The following TRABD variants were observed in gnomAD, a reference collection of about 807,000 sequenced individuals.
TRABD encodes traB domain-containing protein.
Under a neutral mutation model 39.6 loss-of-function variants are expected in TRABD, and 23 were observed. That is an observed-to-expected ratio of 0.58 (90% confidence interval 0.42 to 0.82). The LOEUF is 0.82. Ranked by LOEUF, TRABD falls within the 40% of genes least tolerant of loss-of-function variation. The probability of loss-of-function intolerance (pLI) is 0.00; values close to 1 mark genes in which losing one functional copy is unlikely to be tolerated. For missense variants in TRABD, 487 were observed against 544.9 expected (o/e 0.89, Z 1.06); for synonymous variants, 243 against 232.1 (o/e 1.05, Z -0.43).
chr22:50,192,832 C>A (rs998884187), intron 1 of TRABD, among the ~76,000 whole-genome samples, 195 bp from the exon 2 acceptor site: 2 of 23,256 alleles, frequency 8.6e-5, no homozygotes, highest in African/African-American at 8.3e-4. Context: ...GCTGGCCTTT[C>A]CCCACCCGGG....
chr22:50,193,865 G>A (rs1175898134), intron 3 of TRABD, among the ~76,000 whole-genome samples: 1 of 152,240 alleles, frequency 6.6e-6, no homozygotes, highest in African/African-American at 2.4e-5. Flanking sequence ...TGGAGGGGCT[G>A]CAAGCAGCAC....
intron 2 of TRABD, 122 bp from the exon 3 acceptor site, chr22:50,193,454 G>A: frequency 2.1e-6 from 2 of 938,934 alleles, no homozygotes; most frequent in South Asian, 1.5e-5. Flanking sequence ...GTTTTTCAGG[G>A]TGTGTGGTCC....
chr22:50,199,274 G>A lies in TRABD; in HGVS notation c.*755G>A, dbSNP rs1020885490. 4 of 606,266 alleles carry A rather than the reference G, an allele frequency of 6.6e-6. No homozygotes were observed. The highest frequency in any genetic ancestry group is 1.2e-5 in the Non-Finnish European group (4 of 333,392). The allele number at this position is 606,266 out of a possible 1,614,324, so 37.6% of individuals were successfully genotyped here. A position where few individuals can be genotyped will look rare whatever the true frequency, so the allele number is the denominator to read the frequency against. On this transcript the variant is annotated 3_prime_UTR_variant, in exon 10 of 10. Transcript: ENST00000380909. ...TGGGAGCCTGTGTCCTGAGCCCCCG[G>A]AGCGAAGGGGTGCCTGGGGCATCTT...
intron 7 of TRABD, 59 bp from the exon 8 acceptor site, chr22:50,197,764 G>GCCCCCCCCCCCCCCCCCCCTTGC: frequency 7.8e-7 from 1 of 1,284,796 alleles, no homozygotes; most frequent in Non-Finnish European, 1.1e-6. Context: ...CACAGTGCCA[G>GCCCCCCCCCCCCCCCCCCCTTGC]CCCCACCCCC....
At chr22:50,187,119 G>T (rs1430938049) in intron 1 of TRABD, among the ~76,000 whole-genome samples, 6 of 152,226 alleles carry the variant, frequency 3.9e-5, no homozygotes. Flanking sequence ...CTCGCCGGAG[G>T]CCCTGATGCT....
At position 50,198,390 on chromosome 22, in the gene TRABD, G is replaced by A; in HGVS notation, c.1002G>A (p.Val334=). Residue 334 remains valine, a synonymous_variant, in exon 10 of 10, where the codon GTG becomes GTA. Transcript: ENST00000380909. This position sits in a 1 kb window ranked among gnomAD's most constrained non-coding sequence, Gnocchi z 7.9. ...SVSGRVSRLA[V]KAAFFGLLGY... ...CCGGCAGAGTGTCTCGGTTGGCCGT[G>A]AAGGCCGCCTTCTTCGGCCTGCTGG... 1 of 1,594,290 alleles carries A rather than the reference G, an allele frequency of 6.3e-7. No homozygotes were observed. Among genetic ancestry groups the A allele is most frequent in the Non-Finnish European group, 8.5e-7 (1 of 1,175,844 alleles).
chr22:50,195,957 A>G (rs1602458199), intron 5 of TRABD, among the ~76,000 whole-genome samples: 2 of 152,292 alleles, frequency 1.3e-5, no homozygotes, highest in African/African-American at 4.8e-5. Flanking sequence ...GCCGTCTTCT[A>G]AAGGGCAGTC....
intron 3 of TRABD, 42 bp downstream of exon 3, chr22:50,193,696 G>C: frequency 6.3e-7 from 1 of 1,594,752 alleles, no homozygotes; most frequent in African/African-American, 1.3e-5. Context: ...CCGGTGTTGG[G>C]CTGTTGAGTC....
rs372426223 is a variant in TRABD, at chr22:50,195,050, C to T, written c.420+10C>T. 2.6e-4 allele frequency: 403 copies of T among 1,574,472 alleles called. 1 individual carries two copies. The highest frequency in any genetic ancestry group is 3.9e-4 in the Middle Eastern group (2 of 5,128). Reference sequence around the variant, plus strand: ...GCAGGCCGTGAGGCAGGTGCGCAGCCGCGGGCAAGGGTCAGGGTCAGGGTC... The same window carrying T: ...GCAGGCCGTGAGGCAGGTGCGCAGCTGCGGGCAAGGGTCAGGGTCAGGGTC... On this transcript the variant is annotated intron_variant, in intron 5 of 9. Coordinates refer to ENST00000380909, the MANE Select transcript of TRABD (RefSeq NM_001320485.2).
In TRABD at chr22:50,195,829, CT is replaced by C. The variant is rs540149789; in HGVS notation, c.420+790del. Among the ~76,000 whole-genome samples the C allele has an allele frequency of 2.0e-4, 31 of 152,320 alleles. No homozygotes were observed. In the South Asian group the frequency reaches 5.6e-3, roughly 27 times the overall value. ...CAGCCCTGGTCAGTTTGCCTTCCCC[CT>C]GTTCAAAGGAAACAATTATAATGAG... is the stretch of plus-strand genomic sequence containing the variant. On this transcript the variant is annotated intron_variant, in intron 5 of 9. Transcript: ENST00000380909.
chr22:50,194,984 C>T lies in TRABD; in HGVS notation c.364C>T (p.Leu122=). 6.2e-7 allele frequency: 1 copy of T among 1,611,170 alleles called. No homozygotes were observed. ...CATGCTGAAGATGGACGAGAGCACGCTGCTGCGGGAGGCCCAGGAGCTCAG... is the reference window on the plus strand; with the variant it reads ...CATGCTGAAGATGGACGAGAGCACGTTGCTGCGGGAGGCCCAGGAGCTCAG... ...VSMLKMDEST[L]LREAQELSLE... The change falls in exon 5 of 10, where the codon CTG becomes TTG. Residue 122 remains leucine, a synonymous_variant. Coordinates refer to ENST00000380909, the MANE Select transcript of TRABD (RefSeq NM_001320485.2).
At chr22:50,190,393 A>C (rs1569078630) in intron 1 of TRABD, among the ~76,000 whole-genome samples, 1 of 151,912 alleles carries the variant, frequency 6.6e-6, no homozygotes, top group Non-Finnish European at 1.5e-5. Context: ...CTGCACCGAG[A>C]CCCTGCCCTG....
rs975620177 is a variant in TRABD, at chr22:50,190,390, G to A, written c.-34-2637G>A. 3.9e-5 allele frequency among the ~76,000 whole-genome samples: 6 copies of A among 152,188 alleles called. No homozygotes were observed. The East Asian group carries it at 9.6e-4, about 24-fold the overall frequency. On this transcript the variant is annotated intron_variant, in intron 1 of 9. Coordinates refer to ENST00000380909, the MANE Select transcript of TRABD (RefSeq NM_001320485.2). Reference sequence around the variant, plus strand: ...CAGGACCAGCGCCTGCTGCTGCACCGAGACCCTGCCCTGTCCATGGCCACA... The same window carrying A: ...CAGGACCAGCGCCTGCTGCTGCACCAAGACCCTGCCCTGTCCATGGCCACA...
intron 1 of TRABD, among the ~76,000 whole-genome samples, chr22:50,188,819 G>A (rs1315811675): frequency 7.2e-5 from 11 of 152,264 alleles, no homozygotes; most frequent in Admixed American, 2.6e-4. Flanking sequence ...GGGACATTTC[G>A]GATGCAGACA....
rs193274007 is a variant in TRABD, at chr22:50,197,710, G to A, written c.672-113G>A. 8.4e-5 allele frequency: 131 copies of A among 1,567,550 alleles called. 2 individuals are homozygous for A. In the South Asian group the frequency reaches 1.0e-3, roughly 12 times the overall value. ...AAGGCCTTCCCTGCCCTTTCCTTCC[G>A]CCACAAATCCCAAACAAACGTGCTG... On this transcript the variant is annotated intron_variant, in intron 7 of 9. Coordinates refer to ENST00000380909, the MANE Select transcript of TRABD (RefSeq NM_001320485.2).
rs1362400681 is a variant in TRABD, at chr22:50,194,951, C to T, written c.331C>T (p.Arg111Cys). 2 of 1,613,028 alleles carry T rather than the reference C, an allele frequency of 1.2e-6. No homozygotes were observed. The highest frequency in any genetic ancestry group is 1.1e-5 in the South Asian group (1 of 91,076). The change falls in exon 5 of 10, where the codon CGT (arginine) becomes TGT (cysteine). Residue 111 changes from arginine (R) to cysteine (C), a missense_variant. By Grantham distance (180) the Arg-to-Cys change is radical. This residue lies in a region of TRABD where 358 missense variants were observed against 414.7 expected (regional missense o/e 0.86). Transcript: ENST00000380909. ...GGTGGTCGTGGAGCTCTGCCAATAT[C>T]GTGTGTCCATGCTGAAGATGGACGA... ...DVVVVELCQY[R>C]VSMLKMDEST...
At chr22:50,192,710 G>A (rs954987525) in intron 1 of TRABD, among the ~76,000 whole-genome samples, 9 of 37,342 alleles carry the variant, frequency 2.4e-4, no homozygotes, top group Admixed American at 4.2e-4. Flanking sequence ...TGTGCCCGCC[G>A]TGCCGCAGTG....
At position 50,194,908 on chromosome 22, in the gene TRABD, G is replaced by A. The variant is rs1259928278; in HGVS notation, c.288G>A (p.Arg96=). The change falls in exon 5 of 10, where the codon CGG becomes CGA. Residue 96 remains arginine (R), a synonymous_variant. Transcript: ENST00000380909. ...DSKRDVVKTI[R]EVQPDVVVVE... is the part of the protein sequence containing the mutation. The stretch of plus-strand genomic sequence containing the variant: ...ACCTGTGGCTGTTGCAGACCATCCG[G>A]GAGGTGCAGCCTGACGTGGTGGTCG... 1.9e-6 allele frequency: 3 copies of A among 1,612,706 alleles called. No homozygotes were observed.
chr22:50,194,796 C>T (rs2064039610), intron 4 of TRABD, 104 bp from the exon 5 acceptor site: 4 of 1,514,958 alleles, frequency 2.6e-6, no homozygotes, highest in Non-Finnish European at 3.5e-6. Context: ...TGGGGTGACG[C>T]CAAGGCTGGC....
Sources: allele counts gnomAD v4.1 joint callset (sites outside exome capture counted in the v4.1 genomes callset), GRCh38; gene constraint gnomAD v4.1.1; regional missense constraint gnomAD v4.1.1; non-coding constraint Gnocchi (gnomAD v3.1); transcripts MANE v1.5; gene names NCBI Gene and HGNC (gene_info 2026-07-23, HGNC 2026-07-21).